The following IQGAP2 variants were observed in gnomAD, a reference collection of about 807,000 sequenced individuals.
IQGAP2 encodes ras GTPase-activating-like protein IQGAP2.
IQGAP2 carries 173 observed loss-of-function variants against 201.3 expected under a neutral mutation model. The ratio of observed to expected loss-of-function variants is 0.86; its 90% CI spans 0.76 to 0.98. The LOEUF is 0.98. IQGAP2 is among the 50% of genes least tolerant of loss of function. The probability of loss-of-function intolerance (pLI) is 0.00; values close to 1 mark genes in which losing one functional copy is unlikely to be tolerated. For synonymous variants in IQGAP2, 675 were observed against 673.9 expected (o/e 1.00, Z -0.03); for missense variants, 1,687 against 1,864.8 (o/e 0.90, Z 1.76).
At chr5:76,613,453 T>C (rs1398637518) in intron 13 of IQGAP2, among the ~76,000 whole-genome samples, 1 of 152,156 alleles carries the variant, frequency 6.6e-6, no homozygotes, top group East Asian at 1.9e-4. Context: ...ATGTATAAAA[T>C]TGGAATAATA....
At chr5:76,608,980 A>G (rs1748036965) in intron 12 of IQGAP2, 5 of 1,013,046 alleles carry the variant, frequency 4.9e-6, no homozygotes, top group Non-Finnish European at 7.1e-6. Flanking sequence ...AAGCTCAGCA[A>G]TCTTTCTTCA....
chr5:76,511,903 A>T (rs577152626), intron 2 of IQGAP2, among the ~76,000 whole-genome samples: 1 of 144,134 alleles, frequency 6.9e-6, no homozygotes, highest in Non-Finnish European at 1.5e-5. Flanking sequence ...GATGGTCTCG[A>T]TCTCCTGACC....
At chr5:76,625,292 C>T (rs1750119065) in intron 13 of IQGAP2, among the ~76,000 whole-genome samples, 1 of 152,120 alleles carries the variant, frequency 6.6e-6, no homozygotes, top group Non-Finnish European at 1.5e-5. Context: ...GGTGTATCTT[C>T]TACAGTGATA....
At chr5:76,479,066 T>C (rs1275428668) in intron 2 of IQGAP2, among the ~76,000 whole-genome samples, 1 of 152,024 alleles carries the variant, frequency 6.6e-6, no homozygotes, top group Non-Finnish European at 1.5e-5. Context: ...GAGCCCATAC[T>C]CACCCCTTTT....
intron 2 of IQGAP2, among the ~76,000 whole-genome samples, chr5:76,541,493 TG>T (rs1250224517): frequency 6.6e-6 from 1 of 152,246 alleles, no homozygotes; most frequent in African/African-American, 2.4e-5. Context: ...GCAGTTAACA[TG>T]GGGTGCAGGT....
At chr5:76,561,309 T>C (rs114628729) in intron 2 of IQGAP2, among the ~76,000 whole-genome samples, 2,908 of 152,282 alleles carry the variant, frequency 0.019, 74 homozygotes, top group Non-Finnish European at 0.023. Context: ...AGGGGCTTGT[T>C]GAACTTCTAC....
At chr5:76,660,632 G>A (rs530640901) in intron 21 of IQGAP2, among the ~76,000 whole-genome samples, 3 of 152,340 alleles carry the variant, frequency 2.0e-5, no homozygotes, top group South Asian at 2.1e-4. Flanking sequence ...AATGCTTGAG[G>A]TTTTGTGGGG....
chr5:76,584,093 G>A (rs542618511), intron 5 of IQGAP2, among the ~76,000 whole-genome samples: 36 of 152,016 alleles, frequency 2.4e-4, no homozygotes, highest in Non-Finnish European at 4.9e-4. Flanking sequence ...GGCTGGTCTC[G>A]AACTCCTGAC....
At chr5:76,642,729 C>T (rs953201619) in intron 17 of IQGAP2, among the ~76,000 whole-genome samples, 2 of 152,208 alleles carry the variant, frequency 1.3e-5, no homozygotes, top group African/African-American at 4.8e-5. Context: ...AACTGCCCCC[C>T]AGACACAGTA....
chr5:76,486,810 C>G (rs1355582305), intron 2 of IQGAP2, among the ~76,000 whole-genome samples: 1 of 152,108 alleles, frequency 6.6e-6, no homozygotes, highest in Non-Finnish European at 1.5e-5. Context: ...ACTGTAGCCA[C>G]CATTACAAGC....
chr5:76,645,091 C>T (rs1751926835), intron 17 of IQGAP2, among the ~76,000 whole-genome samples: 1 of 151,978 alleles, frequency 6.6e-6, no homozygotes, highest in Non-Finnish European at 1.5e-5. Flanking sequence ...TGAGTGAGAA[C>T]ATGCGGTGTT....
intron 1 of IQGAP2, among the ~76,000 whole-genome samples, chr5:76,445,998 A>C (rs1753369596): frequency 6.6e-6 from 1 of 152,152 alleles, no homozygotes; most frequent in Non-Finnish European, 1.5e-5. Context: ...GTTTATCCAC[A>C]CTGTAGCATG....
At position 76,652,208 on chromosome 5, in the gene IQGAP2, A is replaced by C. The variant is rs564346502; in HGVS notation, c.2095-542A>C. Among the ~76,000 whole-genome samples, 4 of 152,306 alleles carry C rather than the reference A, an allele frequency of 2.6e-5. No individual in the cohort carries two copies. The East Asian group carries it at 7.7e-4, about 29-fold the overall frequency. Reference sequence around the variant, plus strand: ...AGCTATGTTGATGAAGCATTGTTTAACTTTATGTGGGGATATATGAAATGA... The same window carrying C: ...AGCTATGTTGATGAAGCATTGTTTACCTTTATGTGGGGATATATGAAATGA... On this transcript the variant is annotated intron_variant, in intron 17 of 35. Transcript: ENST00000274364.
chr5:76,467,231 G>T (rs528283189), intron 2 of IQGAP2, among the ~76,000 whole-genome samples: 1 of 152,118 alleles, frequency 6.6e-6, no homozygotes, highest in Admixed American at 6.5e-5. Context: ...TCTAACCTGG[G>T]TGACAGAGCA....
chr5:76,527,269 G>A (rs1014490301), intron 2 of IQGAP2, among the ~76,000 whole-genome samples: 1 of 152,198 alleles, frequency 6.6e-6, no homozygotes, highest in African/African-American at 2.4e-5. Flanking sequence ...TGGAGACAGG[G>A]TCTAAACAGC....
intron 2 of IQGAP2, among the ~76,000 whole-genome samples, chr5:76,498,719 T>A (rs1284228240): frequency 2.0e-5 from 3 of 152,254 alleles, no homozygotes; most frequent in Non-Finnish European, 4.4e-5. Flanking sequence ...TTTGGCATAC[T>A]GCTATTTGCA....
chr5:76,610,111 TATA>T (rs1260866161), intron 12 of IQGAP2, among the ~76,000 whole-genome samples: 12 of 16,830 alleles, frequency 7.1e-4, no homozygotes, highest in East Asian at 2.5e-3. Context: ...TATATATATA[TATA>T]TTTTTTTTTT....
chr5:76,639,514 A>G (rs1385849139), intron 16 of IQGAP2, among the ~76,000 whole-genome samples: 1 of 152,248 alleles, frequency 6.6e-6, no homozygotes, highest in Non-Finnish European at 1.5e-5. Flanking sequence ...AACAAAAACA[A>G]AAGTTGGACC....
intron 20 of IQGAP2, among the ~76,000 whole-genome samples, chr5:76,657,552 G>A (rs1039921082): frequency 1.3e-5 from 2 of 152,182 alleles, no homozygotes; most frequent in Non-Finnish European, 2.9e-5. Flanking sequence ...AAGGGCCTAG[G>A]TGTAAAGGAG....
Sources: allele counts gnomAD v4.1 joint callset (sites outside exome capture counted in the v4.1 genomes callset), GRCh38; gene constraint gnomAD v4.1.1; transcripts MANE v1.5; gene names NCBI Gene and HGNC (gene_info 2026-07-23, HGNC 2026-07-21).